The following MSRB2 variants were observed in gnomAD, a reference collection of about 807,000 sequenced individuals.
MSRB2 encodes the protein methionine-R-sulfoxide reductase B2, mitochondrial.
In MSRB2, 17 loss-of-function variants were observed where a neutral mutation model predicts 19.0. That is an observed-to-expected ratio of 0.89 (90% confidence interval 0.61 to 1.34). The LOEUF is 1.34. Among genes scored for constraint, MSRB2 ranks in the 40% most tolerant of loss-of-function variants. The probability of loss-of-function intolerance (pLI) is 0.00; values close to 1 mark genes in which losing one functional copy is unlikely to be tolerated. For missense variants in MSRB2, 208 were observed against 237.6 expected (o/e 0.88, Z 0.82); for synonymous variants, 107 against 99.7 (o/e 1.07, Z -0.44).
At chr10:23,118,330 GTTTTTTGT>G (rs1392255191) in intron 3 of MSRB2, among the ~76,000 whole-genome samples, 1 of 86,644 alleles carries the variant, frequency 1.2e-5, no homozygotes, top group Non-Finnish European at 2.2e-5. Flanking sequence ...TCTTAGATTA[GTTTTTTGT>G]TTTTTTTTTT....
chr10:23,114,083 C>T (rs1179708474), intron 3 of MSRB2, among the ~76,000 whole-genome samples: 1 of 152,164 alleles, frequency 6.6e-6, no homozygotes, highest in Non-Finnish European at 1.5e-5. Context: ...AACGTGGTGA[C>T]TCATGCCTGT....
chr10:23,104,278 A>C, intron 2 of MSRB2, 34 bp downstream of exon 2: 2 of 1,594,150 alleles, frequency 1.3e-6, no homozygotes, highest in Non-Finnish European at 1.7e-6. Context: ...TTCTGATTGC[A>C]TGTGTTGGCA....
chr10:23,119,770 T>A (rs538346556), intron 4 of MSRB2, among the ~76,000 whole-genome samples: 3 of 152,134 alleles, frequency 2.0e-5, no homozygotes, highest in African/African-American at 7.2e-5. Context: ...AATTTTTGTA[T>A]TTTTAGTAGA....
chr10:23,118,057 T>C (rs551907925), intron 3 of MSRB2, among the ~76,000 whole-genome samples: 1 of 152,222 alleles, frequency 6.6e-6, no homozygotes, highest in South Asian at 2.1e-4. Flanking sequence ...TCAACCTATA[T>C]TAAAAAAAAA....
intron 2 of MSRB2, among the ~76,000 whole-genome samples, chr10:23,105,192 A>ATC (rs977411522): frequency 1.4e-5 from 2 of 145,164 alleles, no homozygotes; most frequent in Non-Finnish European, 3.0e-5. Flanking sequence ...TGCTACATTT[A>ATC]TCTCTCTCTC....
chr10:23,111,714 G>A (rs1164017261), intron 3 of MSRB2, among the ~76,000 whole-genome samples: 1 of 152,144 alleles, frequency 6.6e-6, no homozygotes, highest in Non-Finnish European at 1.5e-5. Flanking sequence ...CTGGCCATGT[G>A]GTAGCTGCTC....
rs1839851597 is a variant in MSRB2 at position 23,095,668 on chromosome 10, G to A, written c.60G>A (p.Ala20=). ...GLTLGTAPRR[A]VRGQAGGGGP... is the part of the protein sequence containing the mutation. ...CCCTCGGAACTGCGCCTCGGCGGGC[G>A]GTGCGGGGCCAAGCGGGCGGCGGCG... Residue 20 remains alanine, a synonymous_variant, in exon 1 of 5, where the codon GCG becomes GCA. Transcript: ENST00000376510. 1.3e-5 allele frequency: 18 copies of A among 1,356,708 alleles called. No homozygotes were observed. The highest frequency in any genetic ancestry group is 1.7e-5 in the Non-Finnish European group (18 of 1,063,552). 84.0% of individuals were successfully genotyped at this position (1,356,708 alleles called of 1,614,324 possible).
rs1840037010 is a variant in MSRB2 at position 23,110,338 on chromosome 10, G to C, written c.296+20G>C. The C allele has an allele frequency of 6.2e-7, 1 of 1,602,688 alleles. No individual in the cohort carries two copies. The highest frequency in any genetic ancestry group is 8.5e-7 in the Non-Finnish European group (1 of 1,170,460). ...CTTCAGGTAAGATAAAGAATTGAGAGCCACGGAAGGAGACCAAACCTCCAG... is the reference window on the plus strand; with the variant it reads ...CTTCAGGTAAGATAAAGAATTGAGACCCACGGAAGGAGACCAAACCTCCAG... On this transcript the variant is annotated intron_variant, in intron 3 of 4. Coordinates refer to ENST00000376510, the MANE Select transcript of MSRB2 (RefSeq NM_012228.4).
At position 23,095,704 on chromosome 10, in the gene MSRB2, C is replaced by A. The variant is rs1588965413; in HGVS notation, c.96C>A (p.Thr32=). 1 of 1,291,758 alleles carries A rather than the reference C, an allele frequency of 7.7e-7. No individual in the cohort carries two copies. 80.0% of individuals were successfully genotyped at this position (1,291,758 alleles called of 1,614,324 possible). Residue 32 remains threonine, a synonymous_variant, in exon 1 of 5, where the codon ACC becomes ACA. Transcript: ENST00000376510. ...AAGCGGGCGGCGGCGGGCCCGGCACCGGGCCGGGACTGGGGGAGGCAGGTA... is the reference window on the plus strand; with the variant it reads ...AAGCGGGCGGCGGCGGGCCCGGCACAGGGCCGGGACTGGGGGAGGCAGGTA... ...RGQAGGGGPG[T]GPGLGEAGSL...
chr10:23,109,657 C>T (rs1840028175), intron 2 of MSRB2, among the ~76,000 whole-genome samples: 2 of 152,174 alleles, frequency 1.3e-5, no homozygotes, highest in Admixed American at 1.3e-4. Flanking sequence ...CTTGCAAACC[C>T]TGTAACCCAC....
chr10:23,112,853 G>A (rs1005563309), intron 3 of MSRB2, among the ~76,000 whole-genome samples: 1 of 152,166 alleles, frequency 6.6e-6, no homozygotes, highest in African/African-American at 2.4e-5. Context: ...CAAAGTGCTG[G>A]GATTACAGGC....
Position 23,104,253 on chromosome 10 carries a change from A to G in MSRB2, c.219+9A>G, listed in dbSNP as rs369372882. Reference sequence around the variant, plus strand: ...AAAAGGGAACGGAACCGGTAAGCTAAGCTGGTTTACAGTTTTCTGATTGCA... The same window carrying G: ...AAAAGGGAACGGAACCGGTAAGCTAGGCTGGTTTACAGTTTTCTGATTGCA... On this transcript the variant is annotated intron_variant, in intron 2 of 4. Coordinates refer to ENST00000376510, the MANE Select transcript of MSRB2 (RefSeq NM_012228.4). The G allele has an allele frequency of 6.2e-6, 10 of 1,610,854 alleles. No individual in the cohort carries two copies. The African/African-American group carries it at 1.3e-4, about 22-fold the overall frequency.
intron 3 of MSRB2, among the ~76,000 whole-genome samples, chr10:23,114,652 G>A (rs1554794754): frequency 2.0e-5 from 3 of 152,210 alleles, no homozygotes; most frequent in South Asian, 2.1e-4. Flanking sequence ...CTCTGGGCAC[G>A]CGGCAGGTGC....
intron 1 of MSRB2, among the ~76,000 whole-genome samples, chr10:23,097,598 T>C (rs941623291): frequency 1.3e-5 from 2 of 152,184 alleles, no homozygotes; most frequent in Admixed American, 1.3e-4. Context: ...CTTTAGCATA[T>C]GGGAGTGGGG....
At chr10:23,099,430 A>C (rs981030641) in intron 1 of MSRB2, among the ~76,000 whole-genome samples, 1 of 152,262 alleles carries the variant, frequency 6.6e-6, no homozygotes, top group African/African-American at 2.4e-5. Flanking sequence ...CATTAAAAAT[A>C]GTGTAAAAGG....
At position 23,119,489 on chromosome 10, in the gene MSRB2, G is replaced by T. The variant is rs372260575; in HGVS notation, c.444+38G>T. The T allele has an allele frequency of 1.9e-5, 30 of 1,597,906 alleles. No individual in the cohort carries two copies. In the African/African-American group the frequency reaches 3.8e-4, roughly 20 times the overall value. On this transcript the variant is annotated intron_variant, in intron 4 of 4. Coordinates refer to ENST00000376510, the MANE Select transcript of MSRB2 (RefSeq NM_012228.4). ...ATTTTGTTTTACTTTCCCTGATGCTGCCCCCAATGCCACAAAGAGCTCTCT... is the reference window on the plus strand; with the variant it reads ...ATTTTGTTTTACTTTCCCTGATGCTTCCCCCAATGCCACAAAGAGCTCTCT...
chr10:23,105,364 C>T (rs1564428432), intron 2 of MSRB2, among the ~76,000 whole-genome samples: 1 of 152,140 alleles, frequency 6.6e-6, no homozygotes, highest in Non-Finnish European at 1.5e-5. Flanking sequence ...GTGTCATCCT[C>T]CTACTCTGCC....
At chr10:23,114,540 C>A (rs887916956) in intron 3 of MSRB2, among the ~76,000 whole-genome samples, 2 of 152,152 alleles carry the variant, frequency 1.3e-5, no homozygotes, top group African/African-American at 4.8e-5. Context: ...AAGAATTTAA[C>A]TAACTTGTTC....
intron 2 of MSRB2, among the ~76,000 whole-genome samples, chr10:23,104,607 A>G (rs1218905299): frequency 6.6e-6 from 1 of 152,046 alleles, no homozygotes; most frequent in Non-Finnish European, 1.5e-5. Context: ...CACAGATCTG[A>G]CCATATCACT....
Sources: allele counts gnomAD v4.1 joint callset (sites outside exome capture counted in the v4.1 genomes callset), GRCh38; gene constraint gnomAD v4.1.1; transcripts MANE v1.5; gene names NCBI Gene and HGNC (gene_info 2026-07-23, HGNC 2026-07-21).